The following NELL2 variants were observed in gnomAD, a reference collection of about 807,000 sequenced individuals.
NELL2 encodes the protein neural EGFL like 2.
NELL2 carries 41 observed loss-of-function variants against 109.6 expected under a neutral mutation model. That is an observed-to-expected ratio of 0.37 (90% CI 0.29 to 0.49). The LOEUF is 0.49. Among genes scored for constraint, NELL2 ranks in the 20% least tolerant of loss-of-function variants. The probability of loss-of-function intolerance (pLI) is 0.98; values close to 1 mark genes in which losing one functional copy is unlikely to be tolerated. For missense variants in NELL2, 900 were observed against 1,008.3 expected (o/e 0.89, Z 1.45); for synonymous variants, 355 against 344.7 (o/e 1.03, Z -0.33).
intron 1 of NELL2, among the ~76,000 whole-genome samples, chr12:44,900,704 C>T (rs1281997810): frequency 6.6e-6 from 1 of 151,968 alleles, no homozygotes. Context: ...TTAAAAAGAA[C>T]AAAAGAAGCA....
intron 1 of NELL2, among the ~76,000 whole-genome samples, chr12:44,899,282 C>T (rs760922166): frequency 1.1e-4 from 16 of 152,004 alleles, no homozygotes; most frequent in Admixed American, 2.0e-4. Flanking sequence ...TGATACTCCT[C>T]GAGAAGAGCA....
At chr12:44,592,735 A>G (rs1000307354) in intron 15 of NELL2, among the ~76,000 whole-genome samples, 3 of 152,162 alleles carry the variant, frequency 2.0e-5, no homozygotes, top group Non-Finnish European at 4.4e-5. Context: ...GCTATTGCAG[A>G]TTTTACAAAA....
intron 9 of NELL2, among the ~76,000 whole-genome samples, chr12:44,750,337 A>G (rs1940597063): frequency 6.6e-6 from 1 of 152,204 alleles, no homozygotes; most frequent in African/African-American, 2.4e-5. Flanking sequence ...ATTACATGTT[A>G]GGACAAATTA....
chr12:44,733,659 C>A (rs1243983784), intron 9 of NELL2, among the ~76,000 whole-genome samples: 1 of 150,748 alleles, frequency 6.6e-6, no homozygotes, highest in African/African-American at 2.5e-5. Flanking sequence ...ATATAGTTAA[C>A]AATACTGTAT....
chr12:44,692,435 G>A (rs575745792), intron 12 of NELL2, among the ~76,000 whole-genome samples: 1 of 152,106 alleles, frequency 6.6e-6, no homozygotes, highest in African/African-American at 2.4e-5. Context: ...GGAGATTAAT[G>A]TTTTCATGGC....
At chr12:44,858,975 C>T (rs1178195746) in intron 2 of NELL2, among the ~76,000 whole-genome samples, 2 of 152,142 alleles carry the variant, frequency 1.3e-5, no homozygotes, top group East Asian at 1.9e-4. Context: ...ACACTCAATA[C>T]TTGATTTTAC....
chr12:44,834,174 C>G (rs184159229), intron 2 of NELL2, among the ~76,000 whole-genome samples: 61 of 152,184 alleles, frequency 4.0e-4, no homozygotes, highest in Non-Finnish European at 7.2e-4. Context: ...AATATATTTC[C>G]TATTTAAACA....
chr12:44,598,783 G>T (rs1945071292), intron 15 of NELL2, among the ~76,000 whole-genome samples: 1 of 151,494 alleles, frequency 6.6e-6, no homozygotes, highest in Admixed American at 6.6e-5. Context: ...TGGTCTTATA[G>T]GAGGCTCAAG....
Position 44,790,332 on chromosome 12 carries a change from A to C in NELL2, c.336-10310T>G, listed in dbSNP as rs1942334350. Among the ~76,000 whole-genome samples, 3 of 152,182 alleles carry C rather than the reference A, an allele frequency of 2.0e-5. No individual in the cohort carries two copies. The South Asian group carries it at 6.2e-4, about 31-fold the overall frequency. ...TTGGGACCCTATCTTCAGCCTCCTCAAACAAAACAATTATCAGCCAAGAAT... is the reference window on the plus strand; with the variant it reads ...TTGGGACCCTATCTTCAGCCTCCTCCAACAAAACAATTATCAGCCAAGAAT... On this transcript the variant is annotated intron_variant, in intron 3 of 19. Coordinates refer to ENST00000429094, the MANE Select transcript of NELL2 (RefSeq NM_001145108.2).
chr12:44,563,761 A>G (rs569187623), intron 15 of NELL2, among the ~76,000 whole-genome samples: 25 of 152,370 alleles, frequency 1.6e-4, no homozygotes, highest in African/African-American at 6.0e-4. Flanking sequence ...ACTTTCTAGT[A>G]GAAATAGCCT....
At chr12:44,806,101 A>G (rs1359495543) in intron 3 of NELL2, among the ~76,000 whole-genome samples, 1 of 135,378 alleles carries the variant, frequency 7.4e-6, no homozygotes, top group Non-Finnish European at 1.7e-5. Context: ...ATCATTTAAG[A>G]AAATTTAGTA....
chr12:44,650,294 C>G (rs1432206647), intron 13 of NELL2, among the ~76,000 whole-genome samples: 2 of 118,322 alleles, frequency 1.7e-5, no homozygotes, highest in East Asian at 5.9e-4. Flanking sequence ...TGCCTCCACC[C>G]CCCAATTTTT....
upstream of NELL2, chr12:44,876,663 G>T (rs769454979): frequency 1.3e-6 from 2 of 1,551,182 alleles, no homozygotes; most frequent in African/African-American, 2.7e-5. Flanking sequence ...CCACCCAGCT[G>T]CAGGAGGCAA....
In NELL2 at chr12:44,699,239, G is replaced by A. The variant is rs183600258; in HGVS notation, c.1318+4487C>T. On this transcript the variant is annotated intron_variant, in intron 12 of 19. Coordinates refer to ENST00000429094, the MANE Select transcript of NELL2 (RefSeq NM_001145108.2). ...TCTATAGGAGGTGAGATGGATGGAT[G>A]GCGATGAATATATAATTTTTTAAAG... Among the ~76,000 whole-genome samples the A allele has an allele frequency of 2.6e-3, 402 of 152,156 alleles. 4 individuals are homozygous for A. The highest frequency in any genetic ancestry group is 8.8e-3 in the African/African-American group (364 of 41,538).
intron 9 of NELL2, among the ~76,000 whole-genome samples, chr12:44,718,937 T>C (rs895631478): frequency 6.6e-6 from 1 of 152,166 alleles, no homozygotes; most frequent in Non-Finnish European, 1.5e-5. Flanking sequence ...CTATGCACAG[T>C]CTATTCAGTT....
intron 13 of NELL2, among the ~76,000 whole-genome samples, chr12:44,660,692 C>T (rs971671829): frequency 4.6e-5 from 7 of 152,144 alleles, no homozygotes; most frequent in Admixed American, 2.6e-4. Flanking sequence ...CCTATTCCCA[C>T]GCTAAAGAAC....
chr12:44,594,062 C>T (rs1315240193), intron 15 of NELL2, among the ~76,000 whole-genome samples: 1 of 151,176 alleles, frequency 6.6e-6, no homozygotes, highest in Non-Finnish European at 1.5e-5. Flanking sequence ...TGTTCTCACT[C>T]ATTTATGTGG....
At chr12:44,764,746 G>A (rs1199628023) in intron 9 of NELL2, among the ~76,000 whole-genome samples, 2 of 151,892 alleles carry the variant, frequency 1.3e-5, no homozygotes, top group African/African-American at 4.8e-5. Context: ...GCCATTATGA[G>A]AAACAAGAGC....
chr12:44,510,809 G>A (rs906315703), intron 19 of NELL2, among the ~76,000 whole-genome samples: 8 of 152,086 alleles, frequency 5.3e-5, no homozygotes, highest in African/African-American at 1.4e-4. Context: ...TCTCCAAGAT[G>A]CCCCAGGCTG....
Sources: gnomAD v4.1 joint callset for allele counts (sites outside exome capture counted in the v4.1 genomes callset) on GRCh38, gnomAD v4.1.1 for gene constraint, MANE v1.5 for transcripts, NCBI Gene and HGNC (gene_info 2026-07-23, HGNC 2026-07-21) for gene names.